DHDDS: variants seen among roughly 807,000 people sequenced by gnomAD.
DHDDS encodes dehydrodolichyl diphosphate synthase complex subunit DHDDS.
A neutral mutation model predicts 46.2 loss-of-function variants in DHDDS; 16 were observed. The observed-to-expected ratio is 0.35, with a 90% CI of 0.23 to 0.53. The LOEUF (loss-of-function observed/expected upper bound fraction) is 0.53. Ranked by LOEUF, DHDDS falls within the 20% of genes least tolerant of loss-of-function variation. The pLI, the probability that DHDDS is intolerant of heterozygous loss-of-function variation, is 0.94. For missense variants in DHDDS, 340 were observed against 423.7 expected (o/e 0.80, Z 1.73); for synonymous variants, 151 against 163.1 (o/e 0.93, Z 0.56).
At chr1:26,450,382 AGTGGTC>A (rs1246048038) in intron 6 of DHDDS, among the ~76,000 whole-genome samples, 2 of 152,086 alleles carry the variant, frequency 1.3e-5, no homozygotes, top group Non-Finnish European at 2.9e-5. Flanking sequence ...CCTGGCCTCA[AGTGGTC>A]TTCTTGCCCT....
intron 4 of DHDDS, among the ~76,000 whole-genome samples, chr1:26,444,565 A>T (rs1483259839): frequency 1.3e-5 from 2 of 152,156 alleles, no homozygotes; most frequent in Non-Finnish European, 2.9e-5. Flanking sequence ...CAACATGGCA[A>T]AACCCCATCT....
intron 6 of DHDDS, among the ~76,000 whole-genome samples, chr1:26,456,312 CA>C (rs1337767959): frequency 6.6e-6 from 1 of 152,050 alleles, no homozygotes; most frequent in Non-Finnish European, 1.5e-5. Flanking sequence ...GTGGAGGTTG[CA>C]GTGAGCTGAG....
chr1:26,438,110 C>G, intron 2 of DHDDS, 58 bp from the exon 3 acceptor site: 1 of 1,576,424 alleles, frequency 6.3e-7, no homozygotes, highest in East Asian at 2.2e-5. Context: ...GGTGTAGTGT[C>G]TTCCTTTATC....
intron 4 of DHDDS, among the ~76,000 whole-genome samples, chr1:26,445,610 G>A (rs1557438954): frequency 6.6e-6 from 1 of 152,274 alleles, no homozygotes; most frequent in East Asian, 1.9e-4. Flanking sequence ...CTACTTGGGA[G>A]GCTGAGGCAG....
At chr1:26,457,927 T>G in intron 7 of DHDDS, 22 bp downstream of exon 7, 2 of 1,595,554 alleles carry the variant, frequency 1.3e-6, no homozygotes, top group Non-Finnish European at 1.7e-6. Flanking sequence ...CCAAGTACTA[T>G]TATGTTTGTG....
chr1:26,451,785 C>T (rs569694803), intron 6 of DHDDS, among the ~76,000 whole-genome samples: 33 of 152,124 alleles, frequency 2.2e-4, no homozygotes, highest in African/African-American at 5.8e-4. Flanking sequence ...CCTGCCACCC[C>T]GCCTGGCTAA....
intron 3 of DHDDS, 86 bp from the exon 4 acceptor site, chr1:26,442,645 A>C: frequency 6.5e-7 from 1 of 1,539,178 alleles, no homozygotes; most frequent in Non-Finnish European, 9.0e-7. Flanking sequence ...TCCTATCTCC[A>C]ACTCTGAGTC....
chr1:26,470,033 T>C lies in DHDDS; in HGVS notation c.*902T>C, dbSNP rs1473616312. On this transcript the variant is annotated 3_prime_UTR_variant, in exon 9 of 9. Coordinates refer to ENST00000236342, the MANE Select transcript of DHDDS (RefSeq NM_205861.3). ...CAAACTCTGATTCCCACTCCACTCT[T>C]CGAGGTTTCTCTCAGCTTTTTGACC... 6.6e-6 allele frequency: 1 copy of C among 152,362 alleles called. No individual in the cohort carries two copies. Among genetic ancestry groups the C allele is most frequent in the African/African-American group, 2.4e-5 (1 of 41,466 alleles). The allele number at this position is 152,362 out of a possible 1,614,324, so 9.4% of individuals were successfully genotyped here.
At chr1:26,444,376 C>A (rs1011596781) in intron 4 of DHDDS, among the ~76,000 whole-genome samples, 2 of 152,088 alleles carry the variant, frequency 1.3e-5, no homozygotes, top group African/African-American at 4.8e-5. Context: ...AGAAAGGGTT[C>A]TTTGGCTAAA....
intron 3 of DHDDS, 177 bp downstream of exon 3, chr1:26,438,461 T>C (rs191218889): frequency 3.2e-6 from 2 of 628,614 alleles, no homozygotes; most frequent in Admixed American, 2.3e-5. Flanking sequence ...GTGGTTGCTT[T>C]TGCCTCTAAT....
At chr1:26,438,025 A>C in intron 2 of DHDDS, 143 bp from the exon 3 acceptor site, 1 of 797,252 alleles carries the variant, frequency 1.3e-6, no homozygotes, top group Admixed American at 1.9e-5. Context: ...ATGTCTTTTT[A>C]CTGAGTTAAA....
At chr1:26,464,733 C>T (rs2075464402) in intron 8 of DHDDS, among the ~76,000 whole-genome samples, 1 of 152,320 alleles carries the variant, frequency 6.6e-6, no homozygotes, top group South Asian at 2.1e-4. Context: ...CCTCCAGTTT[C>T]CTACCTGTAT....
intron 6 of DHDDS, among the ~76,000 whole-genome samples, chr1:26,450,675 A>G (rs1276887958): frequency 3.3e-5 from 5 of 152,212 alleles, no homozygotes; most frequent in Non-Finnish European, 2.9e-5. Flanking sequence ...CAAATGCTGT[A>G]GAGAGGTCAA....
At chr1:26,448,581 ATGT>A (rs2124439440) in intron 6 of DHDDS, 1 of 152,352 alleles carries the variant, frequency 6.6e-6, no homozygotes, top group South Asian at 2.1e-4. Context: ...GGTCCCTCTC[ATGT>A]TATTATTTAT....
rs1432693617 is a variant in DHDDS at position 26,449,311 on chromosome 1, G to A, written c.542+1651G>A. 2.6e-5 allele frequency among the ~76,000 whole-genome samples: 4 copies of A among 152,042 alleles called. No individual in the cohort carries two copies. In the East Asian group the frequency reaches 7.8e-4, roughly 29 times the overall value. ...AGACGGGGTTTCACCATGTTGGCGA[G>A]GCTGGTCTTGAACTCCCAACCTCAA... On this transcript the variant is annotated intron_variant, in intron 6 of 8. Transcript: ENST00000236342.
At chr1:26,450,397 C>T (rs141105159) in intron 6 of DHDDS, among the ~76,000 whole-genome samples, 2 of 152,232 alleles carry the variant, frequency 1.3e-5, no homozygotes, top group East Asian at 3.9e-4. Flanking sequence ...TCTTCTTGCC[C>T]TGGCCTCCCA....
chr1:26,446,342 G>C lies in DHDDS; in HGVS notation c.350G>C (p.Cys117Ser), dbSNP rs2124425567. The C allele has an allele frequency of 6.2e-7, 1 of 1,614,030 alleles. No homozygotes were observed. Among genetic ancestry groups the C allele is most frequent in the Non-Finnish European group, 8.5e-7 (1 of 1,179,938 alleles). ...GAGAAACTGCAGAAGCATGGGGTGT[G>C]TATCCGGGTCCTGGGCGATCTGCAC... ...EKEKLQKHGV[C>S]IRVLGDLHLL... The change falls in exon 5 of 9, where the codon TGT (cysteine) becomes TCT (serine). Residue 117 changes from cysteine (C) to serine (S), a missense_variant. This residue lies in a region of DHDDS where 268 missense variants were observed against 300.3 expected (regional missense o/e 0.89). Transcript: ENST00000236342.
intron 6 of DHDDS, chr1:26,448,012 C>A: frequency 5.8e-6 from 3 of 519,896 alleles, no homozygotes; most frequent in Non-Finnish European, 6.8e-6. Context: ...ACCAAGAAAC[C>A]CCAGAGAAAG....
At chr1:26,450,869 AAT>A (rs2124451333) in intron 6 of DHDDS, among the ~76,000 whole-genome samples, 1 of 152,306 alleles carries the variant, frequency 6.6e-6, no homozygotes, top group African/African-American at 2.4e-5. Context: ...CTTTATAATG[AAT>A]ATGTTTCAAA....
Sources: allele counts gnomAD v4.1 joint callset (sites outside exome capture counted in the v4.1 genomes callset), GRCh38; gene constraint gnomAD v4.1.1; regional missense constraint gnomAD v4.1.1; transcripts MANE v1.5; gene names NCBI Gene and HGNC (gene_info 2026-07-23, HGNC 2026-07-21).